Variants in TMEM182 observed in about 807,000 individuals in gnomAD.
The protein encoded by TMEM182 is transmembrane protein 182.
Under a neutral mutation model 26.8 loss-of-function variants are expected in TMEM182, and 20 were observed. That is an observed-to-expected ratio of 0.75 (90% CI 0.53 to 1.09). The LOEUF is 1.09. Ranked by LOEUF, TMEM182 falls within the 50% of genes least tolerant of loss-of-function variation. TMEM182 has a pLI of 0.00. For missense variants in TMEM182, 277 were observed against 275.5 expected, an observed-to-expected ratio of 1.01 and a Z score of -0.04; for synonymous variants, 109 against 102.2, an observed-to-expected ratio of 1.07 and a Z score of -0.40.
At chr2:102,765,554 G>GATATATAACA (rs1553437826) in intron 3 of TMEM182, among the ~76,000 whole-genome samples, 1 of 152,118 alleles carries the variant, frequency 6.6e-6, no homozygotes, top group Non-Finnish European at 1.5e-5. Flanking sequence ...CAACCTAGTG[G>GATATATAACA]ATATATAACA....
At chr2:102,751,004 G>C (rs1272420023) in intron 1 of TMEM182, among the ~76,000 whole-genome samples, 2 of 152,164 alleles carry the variant, frequency 1.3e-5, no homozygotes, top group Non-Finnish European at 2.9e-5. Flanking sequence ...TCATTTAGCT[G>C]CTTCACTGTG....
intron 3 of TMEM182, among the ~76,000 whole-genome samples, chr2:102,785,676 C>A (rs1268331454): frequency 6.6e-6 from 1 of 152,178 alleles, no homozygotes; most frequent in African/African-American, 2.4e-5. Flanking sequence ...TTTCTGAACT[C>A]ACTTTTCTGA....
Position 102,762,590 on chromosome 2 carries a change from G to A in TMEM182, c.136G>A (p.Glu46Lys). The change falls in exon 2 of 5, where the codon GAG becomes AAG. Residue 46 changes from glutamate (E) to lysine (K), a missense_variant. Transcript: ENST00000412401. ...TACTTCATTTTGTTCTGTGCAGATA[G>A]AGAACGTCACTTTTCACCATGAAGG... The part of the protein sequence containing the change: ...VGRCSGEKNI[E>K]NVTFHHEGFF... The A allele has an allele frequency of 6.2e-7, 1 of 1,613,464 alleles. No homozygotes were observed. The highest frequency in any genetic ancestry group is 2.2e-5 in the East Asian group (1 of 44,840).
At chr2:102,820,070 T>G (rs931391622), downstream of TMEM182, among the ~76,000 whole-genome samples, 7 of 152,206 alleles carry the variant, frequency 4.6e-5, no homozygotes, top group Non-Finnish European at 8.8e-5. Flanking sequence ...TAAAGCCACA[T>G]GTCTTAGTTG....
intron 3 of TMEM182, among the ~76,000 whole-genome samples, chr2:102,779,276 G>A (rs1337207363): frequency 1.3e-5 from 2 of 152,052 alleles, no homozygotes; most frequent in Non-Finnish European, 2.9e-5. Context: ...GTTTTAAGAA[G>A]TTTAATTATC....
chr2:102,817,239 A>G lies in TMEM182; in HGVS notation c.*2271A>G. The G allele has an allele frequency of 1.0e-6, 1 of 985,270 alleles. No individual in the cohort carries two copies. Among genetic ancestry groups the G allele is most frequent in the Non-Finnish European group, 1.2e-6 (1 of 829,836 alleles). 61.0% of individuals were successfully genotyped at this position (985,270 alleles called of 1,614,324 possible). On this transcript the variant is annotated 3_prime_UTR_variant, in exon 5 of 5. Transcript: ENST00000412401. Reference sequence around the variant, plus strand: ...GTTGCCAAATGTCCATGTTATGTTTATTTCTCTATTGGTTGTATTTATTAA... The same window carrying G: ...GTTGCCAAATGTCCATGTTATGTTTGTTTCTCTATTGGTTGTATTTATTAA...
intron 3 of TMEM182, among the ~76,000 whole-genome samples, chr2:102,835,035 C>A (rs1203138548): frequency 6.6e-6 from 1 of 152,060 alleles, no homozygotes; most frequent in South Asian, 2.1e-4. Context: ...GCACACAAAG[C>A]AATTGTGGGG....
chr2:102,826,673 C>T (rs1266116458), intron 3 of TMEM182, among the ~76,000 whole-genome samples: 1 of 152,140 alleles, frequency 6.6e-6, no homozygotes, highest in Non-Finnish European at 1.5e-5. Flanking sequence ...TCACTGGATA[C>T]AGTTTCTTCA....
upstream of TMEM182, among the ~76,000 whole-genome samples, chr2:102,760,868 A>G (rs1266832242): frequency 6.6e-6 from 1 of 152,092 alleles, no homozygotes; most frequent in East Asian, 1.9e-4. Context: ...AAGTGCTGGG[A>G]TTACAGGTGT....
Position 102,816,793 on chromosome 2 carries a change from C to T in TMEM182, c.*1825C>T. On this transcript the variant is annotated 3_prime_UTR_variant, in exon 5 of 5. Transcript: ENST00000412401. ...GATGTATCTGATTAGTTCATGTCAT[C>T]TGTAAATACAATTCTTTTTTGTAGT... The T allele has an allele frequency of 2.0e-6, 2 of 985,766 alleles. No individual in the cohort carries two copies. Among genetic ancestry groups the T allele is most frequent in the Non-Finnish European group, 2.4e-6 (2 of 829,908 alleles). The allele number at this position is 985,766 out of a possible 1,614,324, so 61.1% of individuals were successfully genotyped here.
At chr2:102,823,324 C>T (rs1682962572) in intron 3 of TMEM182, among the ~76,000 whole-genome samples, 1 of 152,004 alleles carries the variant, frequency 6.6e-6, no homozygotes, top group Non-Finnish European at 1.5e-5. Context: ...TTCAAGAGTT[C>T]TTCCTTTATT....
chr2:102,761,807 A>T (rs531548382), upstream of TMEM182, among the ~76,000 whole-genome samples: 5 of 152,344 alleles, frequency 3.3e-5, no homozygotes, highest in East Asian at 9.6e-4. Context: ...CAATGCTTTC[A>T]ATGACTTCAT....
intron 1 of TMEM182, among the ~76,000 whole-genome samples, chr2:102,739,275 T>C (rs1265872757): frequency 6.6e-6 from 1 of 152,178 alleles, no homozygotes; most frequent in African/African-American, 2.4e-5. Flanking sequence ...CTATGGCTAA[T>C]TGATTATAGC....
chr2:102,802,508 C>A (rs189391145), intron 4 of TMEM182, among the ~76,000 whole-genome samples: 87 of 152,356 alleles, frequency 5.7e-4, no homozygotes, highest in Non-Finnish European at 1.1e-3. Context: ...GATCACACAA[C>A]TCTGCAGGAC....
At chr2:102,833,568 C>A (rs1046693330) in intron 3 of TMEM182, among the ~76,000 whole-genome samples, 1 of 152,184 alleles carries the variant, frequency 6.6e-6, no homozygotes, top group Non-Finnish European at 1.5e-5. Context: ...ACTAAGTTAA[C>A]CTTGGTACAA....
At chr2:102,833,892 G>A (rs1683195097) in intron 3 of TMEM182, among the ~76,000 whole-genome samples, 1 of 152,174 alleles carries the variant, frequency 6.6e-6, no homozygotes, top group African/African-American at 2.4e-5. Flanking sequence ...CATTGCATCA[G>A]AGGACATAAA....
At chr2:102,783,696 C>A (rs1398632151) in intron 3 of TMEM182, among the ~76,000 whole-genome samples, 1 of 152,140 alleles carries the variant, frequency 6.6e-6, no homozygotes, top group East Asian at 1.9e-4. Flanking sequence ...GTGGGAGGAT[C>A]TCTTGAGCAC....
At chr2:102,823,058 A>G (rs1682958281) in intron 3 of TMEM182, among the ~76,000 whole-genome samples, 1 of 152,180 alleles carries the variant, frequency 6.6e-6, no homozygotes, top group Non-Finnish European at 1.5e-5. Context: ...TAAGATCCCC[A>G]AGAGTCAACA....
chr2:102,745,502 G>A (rs1173930690), intron 1 of TMEM182, among the ~76,000 whole-genome samples: 1 of 151,952 alleles, frequency 6.6e-6, no homozygotes, highest in Non-Finnish European at 1.5e-5. Flanking sequence ...CACATACCAT[G>A]TGATTCACCT....
Sources: gnomAD v4.1 joint callset for allele counts (sites outside exome capture counted in the v4.1 genomes callset) on GRCh38, gnomAD v4.1.1 for gene constraint, MANE v1.5 for transcripts, NCBI Gene and HGNC (gene_info 2026-07-23, HGNC 2026-07-21) for gene names.